TTBK2: variants seen among roughly 807,000 people sequenced by gnomAD.
TTBK2 encodes tau-tubulin kinase 2.
Under a neutral mutation model 110.8 loss-of-function variants are expected in TTBK2, and 28 were observed. The observed-to-expected ratio is 0.25, with a 90% confidence interval of 0.19 to 0.35. The LOEUF (loss-of-function observed/expected upper bound fraction) is 0.35. TTBK2 is among the 10% of genes least tolerant of loss of function. The probability of loss-of-function intolerance (pLI) is 1.00; values close to 1 mark genes in which losing one functional copy is unlikely to be tolerated. For synonymous variants in TTBK2, 532 were observed against 527.3 expected, an observed-to-expected ratio of 1.01 and a Z score of -0.12; for missense variants, 1,369 against 1,500.3, an observed-to-expected ratio of 0.91 and a Z score of 1.45.
intron 11 of TTBK2, among the ~76,000 whole-genome samples, chr15:42,782,443 C>T (rs1387216454): frequency 1.3e-5 from 2 of 152,170 alleles, no homozygotes; most frequent in African/African-American, 2.4e-5. Flanking sequence ...CAACTCCCAC[C>T]CCATCTGCAT....
At position 42,763,155 on chromosome 15, in the gene TTBK2, T is replaced by C. The variant is rs538948674; in HGVS notation, c.1999-9908A>G. On this transcript the variant is annotated intron_variant, in intron 13 of 14. Coordinates refer to ENST00000267890, the MANE Select transcript of TTBK2 (RefSeq NM_173500.4). ...ACATATATACATACATATATATATA[T>C]ACATATATATATATATATATATATA... 9.2e-3 allele frequency among the ~76,000 whole-genome samples: 450 copies of C among 48,918 alleles called. 6 individuals carry two copies. The highest frequency in any genetic ancestry group is 0.018 in the African/African-American group (117 of 6,666). 32.1% of individuals were successfully genotyped at this position (48,918 alleles called of 152,430 possible).
chr15:42,879,008 A>G (rs1894933392), intron 1 of TTBK2, among the ~76,000 whole-genome samples: 1 of 152,230 alleles, frequency 6.6e-6, no homozygotes, highest in Non-Finnish European at 1.5e-5. Context: ...TCCTGAGAAC[A>G]ATATACTGCT....
intron 3 of TTBK2, among the ~76,000 whole-genome samples, chr15:42,846,154 G>A (rs1595978762): frequency 6.7e-6 from 1 of 149,744 alleles, no homozygotes; most frequent in African/African-American, 2.4e-5. Flanking sequence ...TACATATTTA[G>A]TACAGACGCA....
At chr15:42,896,358 T>C (rs949129423) in intron 1 of TTBK2, among the ~76,000 whole-genome samples, 1 of 151,980 alleles carries the variant, frequency 6.6e-6, no homozygotes. Flanking sequence ...ATAATAATAA[T>C]ACAGAAAAGA....
At chr15:42,835,381 T>C (rs1315430921) in intron 4 of TTBK2, among the ~76,000 whole-genome samples, 3 of 152,144 alleles carry the variant, frequency 2.0e-5, no homozygotes, top group Non-Finnish European at 4.4e-5. Flanking sequence ...TATATAATCA[T>C]CAATTTATAG....
At chr15:42,773,439 T>TAAAG (rs72209007) in intron 13 of TTBK2, among the ~76,000 whole-genome samples, 188 of 149,570 alleles carry the variant, frequency 1.3e-3, no homozygotes, top group African/African-American at 2.2e-3. Flanking sequence ...TGTGTCTCAG[T>TAAAG]AAAGAAAGAA....
chr15:42,795,706 G>A (rs1275724629), intron 9 of TTBK2, among the ~76,000 whole-genome samples: 1 of 151,980 alleles, frequency 6.6e-6, no homozygotes, highest in Non-Finnish European at 1.5e-5. Context: ...AGCCGGGTGT[G>A]GTGGTACACG....
intron 3 of TTBK2, among the ~76,000 whole-genome samples, chr15:42,843,748 G>T (rs1893334559): frequency 8.9e-6 from 1 of 111,950 alleles, no homozygotes; most frequent in Admixed American, 1.2e-4. Context: ...GACAGAGAGA[G>T]ACTTGGTCTC....
chr15:42,801,521 T>C, intron 9 of TTBK2: 1 of 766,234 alleles, frequency 1.3e-6, no homozygotes, highest in Non-Finnish European at 2.4e-6. Flanking sequence ...CCACAGGTCA[T>C]CCCCATGCTT....
chr15:42,864,903 C>G (rs1282892753), intron 3 of TTBK2, among the ~76,000 whole-genome samples: 1 of 152,028 alleles, frequency 6.6e-6, no homozygotes, highest in Non-Finnish European at 1.5e-5. Context: ...ATTATGTATG[C>G]TTATGTATAT....
At chr15:42,814,854 C>T (rs775850767) in intron 7 of TTBK2, among the ~76,000 whole-genome samples, 8 of 152,294 alleles carry the variant, frequency 5.3e-5, no homozygotes, top group African/African-American at 7.2e-5. Context: ...CTGTTATATA[C>T]TATCAAATTC....
At chr15:42,750,496 A>T (rs2061850860) in intron 14 of TTBK2, among the ~76,000 whole-genome samples, 1 of 152,118 alleles carries the variant, frequency 6.6e-6, no homozygotes, top group Non-Finnish European at 1.5e-5. Context: ...ATTCGAGAGC[A>T]GATTTGAGCA....
chr15:42,849,181 T>C (rs1893594745), intron 3 of TTBK2, among the ~76,000 whole-genome samples: 1 of 152,170 alleles, frequency 6.6e-6, no homozygotes. Flanking sequence ...TTTTCTTTGT[T>C]GTTCAGATTA....
At chr15:42,776,617 T>G (rs1253232033) in intron 12 of TTBK2, among the ~76,000 whole-genome samples, 2 of 152,250 alleles carry the variant, frequency 1.3e-5, no homozygotes, top group Non-Finnish European at 2.9e-5. Flanking sequence ...GTCCCTTGTG[T>G]ATGAATTACT....
At chr15:42,751,913 C>T in intron 14 of TTBK2, 61 bp downstream of exon 14, 1 of 1,594,792 alleles carries the variant, frequency 6.3e-7, no homozygotes, top group African/African-American at 1.3e-5. Flanking sequence ...TGGTGGACTA[C>T]AATAAAGCAG....
intron 6 of TTBK2, among the ~76,000 whole-genome samples, chr15:42,819,265 GAC>G (rs987563477): frequency 2.0e-5 from 3 of 149,396 alleles, no homozygotes; most frequent in Non-Finnish European, 4.4e-5. Context: ...TCAAGAGATC[GAC>G]ACCATCCTGA....
intron 3 of TTBK2, among the ~76,000 whole-genome samples, chr15:42,871,080 C>G (rs570090929): frequency 3.8e-4 from 58 of 152,082 alleles, no homozygotes; most frequent in African/African-American, 1.4e-3. Flanking sequence ...GCACCCCCAA[C>G]AAAATGAAGC....
chr15:42,808,352 C>G (rs1470148044), intron 9 of TTBK2, among the ~76,000 whole-genome samples: 2 of 152,152 alleles, frequency 1.3e-5, no homozygotes, highest in Non-Finnish European at 2.9e-5. Flanking sequence ...AAAACTGCAT[C>G]ATTTAACACT....
chr15:42,852,374 CA>C (rs916339082), intron 3 of TTBK2, among the ~76,000 whole-genome samples: 1 of 152,098 alleles, frequency 6.6e-6, no homozygotes, highest in African/African-American at 2.4e-5. Flanking sequence ...CAGCCATTAC[CA>C]ACTATGTATA....
Sources: gnomAD v4.1 joint callset for allele counts (sites outside exome capture counted in the v4.1 genomes callset) on GRCh38, gnomAD v4.1.1 for gene constraint, MANE v1.5 for transcripts, NCBI Gene and HGNC (gene_info 2026-07-23, HGNC 2026-07-21) for gene names.